Variants in PRH2 observed in about 807,000 individuals in gnomAD.
PRH2 encodes proline rich protein HaeIII subfamily 2, also known as salivary acidic proline-rich phosphoprotein 1/2.
In PRH2, 19 loss-of-function variants were observed where a neutral mutation model predicts 22.6. The observed-to-expected ratio is 0.84, with a 90% confidence interval of 0.59 to 1.23. PRH2 has a LOEUF of 1.23. Among genes scored for constraint, PRH2 ranks in the 50% most tolerant of loss-of-function variants. PRH2 has a pLI of 0.00. For missense variants in PRH2, 109 were observed against 203.0 expected, an observed-to-expected ratio of 0.54 and a Z score of 2.81; for synonymous variants, 45 against 72.0, an observed-to-expected ratio of 0.63 and a Z score of 1.90.
chr12:10,933,348 G>A lies in PRH2; in HGVS notation c.*1141G>A, dbSNP rs962758604. Among the ~76,000 whole-genome samples, 3 of 151,874 alleles carry A rather than the reference G, an allele frequency of 2.0e-5. No individual in the cohort carries two copies. Among genetic ancestry groups the A allele is most frequent in the Non-Finnish European group, 4.4e-5 (3 of 67,910 alleles). The stretch of plus-strand genomic sequence containing the variant: ...TCACTCCTCCCAAAAGCACCTTCAT[G>A]GAAGATTCCTCATTAACAGGCAGTC... On this transcript the variant is annotated 3_prime_UTR_variant, in exon 4 of 4. Transcript: ENST00000396400.
chr12:10,932,236 A>G lies in PRH2; in HGVS notation c.*29A>G. On this transcript the variant is annotated 3_prime_UTR_variant, in exon 4 of 4. Coordinates refer to ENST00000396400, the MANE Select transcript of PRH2 (RefSeq NM_001110213.1). ...CCTTGTCTTTTTCAGGAAGTGAATAAGAAGATGACAGTGTTTCAAATGCCT... is the reference window on the plus strand; with the variant it reads ...CCTTGTCTTTTTCAGGAAGTGAATAGGAAGATGACAGTGTTTCAAATGCCT... 2.3e-6 allele frequency: 1 copy of G among 437,716 alleles called. No homozygotes were observed. The allele number at this position is 437,716 out of a possible 1,614,324, so 27.1% of individuals were successfully genotyped here.
At chr12:10,929,491 T>C (rs574836125) in intron 1 of PRH2, among the ~76,000 whole-genome samples, 154 bp downstream of exon 1, 278 of 152,290 alleles carry the variant, frequency 1.8e-3, no homozygotes, top group Non-Finnish European at 3.2e-3. Flanking sequence ...TGTGCCTTCA[T>C]TCCTCATCAA....
At position 10,933,106 on chromosome 12, in the gene PRH2, G is replaced by A. The variant is rs1950237017; in HGVS notation, c.*899G>A. ...TTGTGAAAATTCTGGAAGAATAAGG[G>A]AAACAGATAATCTTCAGAGTAATCA... On this transcript the variant is annotated 3_prime_UTR_variant, in exon 4 of 4. Transcript: ENST00000396400. 6.6e-6 allele frequency among the ~76,000 whole-genome samples: 1 copy of A among 152,054 alleles called. No homozygotes were observed. The highest frequency in any genetic ancestry group is 1.5e-5 in the Non-Finnish European group (1 of 67,960).
Position 10,932,897 on chromosome 12 carries a change from G to T in PRH2, c.*690G>T, listed in dbSNP as rs1950234317. ...AATTGATGACTTTATAATGCAACCA[G>T]GAGTATTGAAAAAAAAGTAAGCAAT... On this transcript the variant is annotated 3_prime_UTR_variant, in exon 4 of 4. Transcript: ENST00000396400. Among the ~76,000 whole-genome samples the T allele has an allele frequency of 6.6e-6, 1 of 151,504 alleles. No homozygotes were observed.
In PRH2 at chr12:10,933,878, A is replaced by G. The variant is rs921603109; in HGVS notation, c.*1671A>G. Among the ~76,000 whole-genome samples the G allele has an allele frequency of 6.6e-6, 1 of 152,160 alleles. No individual in the cohort carries two copies. Among genetic ancestry groups the G allele is most frequent in the Non-Finnish European group, 1.5e-5 (1 of 67,976 alleles). Reference sequence around the variant, plus strand: ...AGATAAACAAGCACATAACAGAGATACATATATTCAAATGGAAGGAGTAAA... The same window carrying G: ...AGATAAACAAGCACATAACAGAGATGCATATATTCAAATGGAAGGAGTAAA... On this transcript the variant is annotated 3_prime_UTR_variant, in exon 4 of 4. Transcript: ENST00000396400.
At chr12:10,930,558 C>G in intron 2 of PRH2, 104 bp from the exon 3 acceptor site, 3 of 1,550,286 alleles carry the variant, frequency 1.9e-6, no homozygotes, top group South Asian at 1.3e-5. Flanking sequence ...AGTTGAGAGG[C>G]AGGTCAGGGA....
chr12:10,930,638 C>G, intron 2 of PRH2, 24 bp from the exon 3 acceptor site: 1 of 1,613,158 alleles, frequency 6.2e-7, no homozygotes, highest in South Asian at 1.1e-5. Flanking sequence ...ATGAGCTCAG[C>G]TCTTCTTGTT....
At position 10,932,250 on chromosome 12, in the gene PRH2, T is replaced by C. The variant is rs1950224368; in HGVS notation, c.*43T>C. ...GGAAGTGAATAAGAAGATGACAGTG[T>C]TTCAAATGCCTTGAAACATAATGTG... is the stretch of plus-strand genomic sequence containing the variant. On this transcript the variant is annotated 3_prime_UTR_variant, in exon 4 of 4. Coordinates refer to ENST00000396400, the MANE Select transcript of PRH2 (RefSeq NM_001110213.1). The C allele has an allele frequency of 2.3e-6, 1 of 436,056 alleles. No individual in the cohort carries two copies. The highest frequency in any genetic ancestry group is 1.6e-5 in the South Asian group (1 of 62,548). 27.0% of individuals were successfully genotyped at this position (436,056 alleles called of 1,614,324 possible).
rs764538496 is a variant in PRH2 at position 10,930,646 on chromosome 12, G to C, written c.101-16G>C. 1.2e-6 allele frequency: 2 copies of C among 1,613,478 alleles called. No homozygotes were observed. The highest frequency in any genetic ancestry group is 2.2e-5 in the East Asian group (1 of 44,872). On this transcript the variant is annotated splice_polypyrimidine_tract_variant and intron_variant, in intron 2 of 3. Coordinates refer to ENST00000396400, the MANE Select transcript of PRH2 (RefSeq NM_001110213.1). ...TTCCAGCATGAGCTCAGCTCTTCTTGTTTCAACTCACACAGATGGAGGAGA... is the reference window on the plus strand; with the variant it reads ...TTCCAGCATGAGCTCAGCTCTTCTTCTTTCAACTCACACAGATGGAGGAGA...
rs1330780133 is a variant in PRH2, at chr12:10,930,316, T to C, written c.100+12T>C. 33 of 1,609,136 alleles carry C rather than the reference T, an allele frequency of 2.1e-5. No individual in the cohort carries two copies. Among genetic ancestry groups the C allele is most frequent in the Non-Finnish European group, 2.7e-5 (32 of 1,175,480 alleles). ...CTTGGTAATATCAGGTAAATCCCAA[T>C]AAATTCTCAGTAAACTCTGTCTCCA... is the stretch of plus-strand genomic sequence containing the variant. On this transcript the variant is annotated intron_variant, in intron 2 of 3. Transcript: ENST00000396400.
At chr12:10,932,171 T>G in intron 3 of PRH2, 55 bp from the exon 4 acceptor site, 1 of 424,598 alleles carries the variant, frequency 2.4e-6, no homozygotes, top group South Asian at 1.6e-5. Context: ...CAATGAGGTA[T>G]TAGACATTTC....
rs1417499654 is a variant in PRH2, at chr12:10,933,545, C to T, written c.*1338C>T. Among the ~76,000 whole-genome samples the T allele has an allele frequency of 1.3e-5, 2 of 151,772 alleles. No individual in the cohort carries two copies. Among genetic ancestry groups the T allele is most frequent in the East Asian group, 3.9e-4 (2 of 5,182 alleles). On this transcript the variant is annotated 3_prime_UTR_variant, in exon 4 of 4. Coordinates refer to ENST00000396400, the MANE Select transcript of PRH2 (RefSeq NM_001110213.1). Reference sequence around the variant, plus strand: ...GTTAAATGACCAAGCAGACTTGATTCCAGGAATGTTAAGGAATGTTCATTA... The same window carrying T: ...GTTAAATGACCAAGCAGACTTGATTTCAGGAATGTTAAGGAATGTTCATTA...
Position 10,931,083 on chromosome 12 carries a change from A to G in PRH2, c.*18+3A>G. The G allele has an allele frequency of 1.3e-6, 2 of 1,563,944 alleles. No individual in the cohort carries two copies. Among genetic ancestry groups the G allele is most frequent in the Non-Finnish European group, 1.7e-6 (2 of 1,161,396 alleles). ...AGTAATCTAGGATTCAATGATAGGT[A>G]TGATTCCAGTTTATTATCCATCAAA... On this transcript the variant is annotated splice_donor_region_variant and intron_variant, in intron 3 of 3. Transcript: ENST00000396400.
At chr12:10,930,497 T>A (rs1407338720) in intron 2 of PRH2, among the ~76,000 whole-genome samples, 165 bp from the exon 3 acceptor site, 1 of 151,992 alleles carries the variant, frequency 6.6e-6, no homozygotes, top group African/African-American at 2.4e-5. Context: ...CACCCTAATG[T>A]GGATTAAGAG....
At position 10,934,031 on chromosome 12, in the gene PRH2, T is replaced by C. The variant is rs773633576; in HGVS notation, c.*1824T>C. Among the ~76,000 whole-genome samples, 7 of 152,184 alleles carry C rather than the reference T, an allele frequency of 4.6e-5. No individual in the cohort carries two copies. Among genetic ancestry groups the C allele is most frequent in the African/African-American group, 1.4e-4 (6 of 41,468 alleles). On this transcript the variant is annotated 3_prime_UTR_variant, in exon 4 of 4. Coordinates refer to ENST00000396400, the MANE Select transcript of PRH2 (RefSeq NM_001110213.1). Reference sequence around the variant, plus strand: ...TTTAATACAATAGCCGTTTATTAATTCAACTTCTAAAGAATCTTTGTGATT... The same window carrying C: ...TTTAATACAATAGCCGTTTATTAATCCAACTTCTAAAGAATCTTTGTGATT...
Position 10,932,904 on chromosome 12 carries a change from TG to T in PRH2, c.*698del, listed in dbSNP as rs1198460207. Reference sequence around the variant, plus strand: ...GACTTTATAATGCAACCAGGAGTATTGAAAAAAAAGTAAGCAATGAGCTCAA... The same window carrying T: ...GACTTTATAATGCAACCAGGAGTATTAAAAAAAAGTAAGCAATGAGCTCAA... On this transcript the variant is annotated 3_prime_UTR_variant, in exon 4 of 4. Transcript: ENST00000396400. 6.6e-6 allele frequency among the ~76,000 whole-genome samples: 1 copy of T among 151,500 alleles called. No individual in the cohort carries two copies. The highest frequency in any genetic ancestry group is 1.9e-4 in the East Asian group (1 of 5,160).
chr12:10,930,254 G>A lies in PRH2; in HGVS notation c.65-15G>A, dbSNP rs181827592. The stretch of plus-strand genomic sequence containing the variant: ...ATGCAGTAACTTTTCCCATCATCCT[G>A]TACTTCTTTTCTAGATGTCAGCCAA... On this transcript the variant is annotated splice_polypyrimidine_tract_variant and intron_variant, in intron 1 of 3. Transcript: ENST00000396400. The A allele has an allele frequency of 2.2e-4, 358 of 1,612,466 alleles. No homozygotes were observed. Among genetic ancestry groups the A allele is most frequent in the Middle Eastern group, 1.3e-3 (8 of 6,060 alleles).
chr12:10,932,286 A>G lies in PRH2; in HGVS notation c.*79A>G. ...TTGAAACATAATGTGATCATGCTCT[A>G]ACTTCAATATACCAATAAAATAATC... is the stretch of plus-strand genomic sequence containing the variant. On this transcript the variant is annotated 3_prime_UTR_variant, in exon 4 of 4. Transcript: ENST00000396400. 2.5e-6 allele frequency: 1 copy of G among 402,954 alleles called. No homozygotes were observed. Among genetic ancestry groups the G allele is most frequent in the Non-Finnish European group, 5.3e-6 (1 of 187,864 alleles). The allele number at this position is 402,954 out of a possible 1,614,324, so 25.0% of individuals were successfully genotyped here. A position where few individuals can be genotyped will look rare whatever the true frequency, so the allele number is the denominator to read the frequency against.
rs1950230864 is a variant in PRH2 at position 10,932,672 on chromosome 12, T to C, written c.*465T>C. On this transcript the variant is annotated 3_prime_UTR_variant, in exon 4 of 4. Coordinates refer to ENST00000396400, the MANE Select transcript of PRH2 (RefSeq NM_001110213.1). ...TGTTTTCTAGGAAAGTGAGTATGGT[T>C]CTATGCCTGTATTCCCCAGAAGCCA... 6.6e-6 allele frequency among the ~76,000 whole-genome samples: 1 copy of C among 152,154 alleles called. No individual in the cohort carries two copies. Among genetic ancestry groups the C allele is most frequent in the African/African-American group, 2.4e-5 (1 of 41,436 alleles).
Sources: gnomAD v4.1 joint callset for allele counts (sites outside exome capture counted in the v4.1 genomes callset) on GRCh38, gnomAD v4.1.1 for gene constraint, MANE v1.5 for transcripts, NCBI Gene and HGNC (gene_info 2026-07-23, HGNC 2026-07-21) for gene names.